CSNK1A1: variants seen among roughly 807,000 people sequenced by gnomAD.
CSNK1A1 encodes casein kinase I isoform alpha.
CSNK1A1 carries 7 observed loss-of-function variants against 46.1 expected under a neutral mutation model. That is an observed-to-expected ratio of 0.15 (90% CI 0.09 to 0.29). CSNK1A1 has a LOEUF of 0.29. CSNK1A1 is among the 10% of genes least tolerant of loss of function. The probability of loss-of-function intolerance (pLI) is 1.00; values close to 1 mark genes in which losing one functional copy is unlikely to be tolerated. For missense variants in CSNK1A1, 96 were observed against 417.1 expected (o/e 0.23, Z 6.71); for synonymous variants, 137 against 141.5 (o/e 0.97, Z 0.23).
chr5:149,513,331 T>C (rs931087571), intron 4 of CSNK1A1, 122 bp from the exon 5 acceptor site: 2 of 924,878 alleles, frequency 2.2e-6, no homozygotes, highest in Non-Finnish European at 1.6e-6. Flanking sequence ...TCCTAAGTAT[T>C]AATAGAACAG....
chr5:149,497,346 G>C, intron 9 of CSNK1A1: 1 of 986,296 alleles, frequency 1.0e-6, no homozygotes, highest in Non-Finnish European at 1.2e-6. Context: ...ACTAAACAAA[G>C]ACCTGAGAAG....
At chr5:149,504,454 T>G (rs1035904870) in intron 9 of CSNK1A1, 1 of 985,296 alleles carries the variant, frequency 1.0e-6, no homozygotes, top group Non-Finnish European at 1.2e-6. Flanking sequence ...ATTTAAAAAT[T>G]AGAAACCAAG....
chr5:149,509,534 G>A (rs1761148158), intron 7 of CSNK1A1, among the ~76,000 whole-genome samples: 1 of 152,202 alleles, frequency 6.6e-6, no homozygotes, highest in African/African-American at 2.4e-5. Context: ...CTGAGTAGCT[G>A]GGACCACAGA....
In CSNK1A1 at chr5:149,493,758, GCAGCACACC is replaced by G. The variant is rs1760584183; in HGVS notation, c.*3086_*3094del. 1 of 152,162 alleles carries G rather than the reference GCAGCACACC, an allele frequency of 6.6e-6. No homozygotes were observed. The highest frequency in any genetic ancestry group is 6.6e-5 in the Admixed American group (1 of 15,256). The allele number at this position is 152,162 out of a possible 1,614,324, so 9.4% of individuals were successfully genotyped here. ...GTCTCACAAAGTCTCACTTAAGAGA[GCAGCACACC>G]CAGGACACACATATTGATCTGCTGA... On this transcript the variant is annotated 3_prime_UTR_variant, in exon 10 of 10. Coordinates refer to ENST00000377843, the MANE Select transcript of CSNK1A1 (RefSeq NM_001892.6).
At chr5:149,542,620 A>ACATGTATG (rs1561772256) in intron 2 of CSNK1A1, among the ~76,000 whole-genome samples, 4 of 12,862 alleles carry the variant, frequency 3.1e-4, no homozygotes, top group Non-Finnish European at 3.4e-4. Context: ...ATATATATAT[A>ACATGTATG]TATATATATA....
chr5:149,513,054 C>G lies in CSNK1A1; in HGVS notation c.596+16G>C, dbSNP rs1459888275. 6.2e-7 allele frequency: 1 copy of G among 1,612,978 alleles called. No individual in the cohort carries two copies. The highest frequency in any genetic ancestry group is 1.7e-4 in the Middle Eastern group (1 of 6,000). The stretch of plus-strand genomic sequence containing the variant: ...CTGCTATGGCTATGATAAGCACATT[C>G]CATTTTCGAACTTACCTCTGCTCAA... On this transcript the variant is annotated intron_variant, in intron 5 of 9. Coordinates refer to ENST00000377843, the MANE Select transcript of CSNK1A1 (RefSeq NM_001892.6).
At chr5:149,545,538 C>G in intron 2 of CSNK1A1, 1 of 664,064 alleles carries the variant, frequency 1.5e-6, no homozygotes, top group Non-Finnish European at 2.7e-6. Flanking sequence ...ACTTCCCAAG[C>G]TTGGGGTGGA....
intron 8 of CSNK1A1, among the ~76,000 whole-genome samples, chr5:149,505,943 T>G (rs75511923): frequency 6.6e-6 from 1 of 152,128 alleles, no homozygotes; most frequent in Non-Finnish European, 1.5e-5. Flanking sequence ...TTTTTTTTTT[T>G]GAGACCATGT....
chr5:149,501,767 A>G (rs1760864836), intron 9 of CSNK1A1: 2 of 984,870 alleles, frequency 2.0e-6, no homozygotes, highest in East Asian at 2.3e-4. Context: ...ACTGAACTTC[A>G]TTAGATTTTG....
rs548860408 is a variant in CSNK1A1, at chr5:149,498,854, G to T, written c.1007-1994C>A. 2 of 985,354 alleles carry T rather than the reference G, an allele frequency of 2.0e-6. 1 individual carries two copies. The highest frequency in any genetic ancestry group is 3.5e-5 in the African/African-American group (2 of 57,352). 61.0% of individuals were successfully genotyped at this position (985,354 alleles called of 1,614,324 possible). ...TCAGTCAAAATACAAGGAAACTCTT[G>T]TGCCTTTAATAGCAAGAAAACTTCA... On this transcript the variant is annotated intron_variant, in intron 9 of 9. Coordinates refer to ENST00000377843, the MANE Select transcript of CSNK1A1 (RefSeq NM_001892.6).
At chr5:149,501,270 A>T in intron 9 of CSNK1A1, 1 of 985,320 alleles carries the variant, frequency 1.0e-6, no homozygotes, top group South Asian at 4.7e-5. Context: ...ACAGTAAAAA[A>T]AAAAGCTGAC....
chr5:149,536,928 C>T (rs1762077221), intron 2 of CSNK1A1, among the ~76,000 whole-genome samples: 1 of 152,170 alleles, frequency 6.6e-6, no homozygotes, highest in African/African-American at 2.4e-5. Context: ...CTCTGTGACT[C>T]TGTGTAAGTG....
At position 149,517,636 on chromosome 5, in the gene CSNK1A1, T is replaced by A. The variant is rs1261819252; in HGVS notation, c.456+2654A>T. The stretch of plus-strand genomic sequence containing the variant: ...AAAGAAATATCTTAGTAATGTTATG[T>A]TTGCCAAGTATGTCTGAATAATGCC... On this transcript the variant is annotated intron_variant, in intron 4 of 9. Coordinates refer to ENST00000377843, the MANE Select transcript of CSNK1A1 (RefSeq NM_001892.6). This position sits in a 1 kb window ranked among gnomAD's most constrained non-coding sequence, Gnocchi z 4.4. Among the ~76,000 whole-genome samples, 2 of 152,192 alleles carry A rather than the reference T, an allele frequency of 1.3e-5. No homozygotes were observed. Among genetic ancestry groups the A allele is most frequent in the Non-Finnish European group, 2.9e-5 (2 of 68,038 alleles).
At chr5:149,542,638 A>G (rs1265573891) in intron 2 of CSNK1A1, among the ~76,000 whole-genome samples, 160 of 12,846 alleles carry the variant, frequency 0.012, 17 homozygotes, top group African/African-American at 0.062. Flanking sequence ...ATATATATAT[A>G]TGTATATATA....
At chr5:149,523,118 G>C (rs2113122000) in intron 3 of CSNK1A1, among the ~76,000 whole-genome samples, 1 of 149,930 alleles carries the variant, frequency 6.7e-6, no homozygotes, top group East Asian at 2.0e-4. Context: ...TCGGCTCACT[G>C]CAATCTCCAC....
chr5:149,504,686 A>G lies in CSNK1A1; in HGVS notation c.1006+761T>C, dbSNP rs1229200163. ...ATGGCATTTGCCCCAGTTACCTTCAATTTGCAAGGCCTGGCTGCAGACTTC... is the reference window on the plus strand; with the variant it reads ...ATGGCATTTGCCCCAGTTACCTTCAGTTTGCAAGGCCTGGCTGCAGACTTC... On this transcript the variant is annotated intron_variant, in intron 9 of 9. Coordinates refer to ENST00000377843, the MANE Select transcript of CSNK1A1 (RefSeq NM_001892.6). The G allele has an allele frequency of 6.1e-6, 6 of 985,336 alleles. No individual in the cohort carries two copies. In the African/African-American group the frequency reaches 7.0e-5, roughly 11 times the overall value. 61.0% of individuals were successfully genotyped at this position (985,336 alleles called of 1,614,324 possible).
In CSNK1A1 at chr5:149,544,052, G is replaced by A. The variant is rs116428746; in HGVS notation, c.230+6023C>T. 2.9e-3 allele frequency among the ~76,000 whole-genome samples: 447 copies of A among 152,186 alleles called. 3 individuals carry two copies. Among genetic ancestry groups the A allele is most frequent in the African/African-American group, 0.01 (428 of 41,520 alleles). On this transcript the variant is annotated intron_variant, in intron 2 of 9. Coordinates refer to ENST00000377843, the MANE Select transcript of CSNK1A1 (RefSeq NM_001892.6). ...AAATTCCAGGACTAAAAGTCCTTAG[G>A]ATCAATGAGGCCAGTGACACTTTTA... is the stretch of plus-strand genomic sequence containing the variant.
chr5:149,529,025 T>A (rs1462151827), intron 2 of CSNK1A1, among the ~76,000 whole-genome samples: 1 of 152,198 alleles, frequency 6.6e-6, no homozygotes, highest in African/African-American at 2.4e-5. Context: ...GGTAAAGTGA[T>A]GTGCATATTG....
At chr5:149,540,254 C>A (rs925912464) in intron 2 of CSNK1A1, among the ~76,000 whole-genome samples, 8 of 152,236 alleles carry the variant, frequency 5.3e-5, no homozygotes, top group Middle Eastern at 3.4e-3. Flanking sequence ...GCATCACAGG[C>A]AGAACCCTGA....
Sources: gnomAD v4.1 joint callset for allele counts (sites outside exome capture counted in the v4.1 genomes callset) on GRCh38, gnomAD v4.1.1 for gene constraint, Gnocchi (gnomAD v3.1) non-coding constraint, MANE v1.5 for transcripts, NCBI Gene and HGNC (gene_info 2026-07-23, HGNC 2026-07-21) for gene names.